Variants in MYO9A observed in about 807,000 individuals in gnomAD.
MYO9A encodes unconventional myosin-IXa.
Under a neutral mutation model 293.3 loss-of-function variants are expected in MYO9A, and 103 were observed. The observed-to-expected ratio is 0.35, with a 90% CI of 0.30 to 0.41. The LOEUF (loss-of-function observed/expected upper bound fraction) is 0.41, where lower values mean the gene tolerates loss of function less well. MYO9A is among the 10% of genes least tolerant of loss of function. The pLI is 1.00. For synonymous variants in MYO9A, 1,001 were observed against 1,035.7 expected, an observed-to-expected ratio of 0.97 and a Z score of 0.64; for missense variants, 2,685 against 3,033.0, an observed-to-expected ratio of 0.89 and a Z score of 2.69.
In MYO9A at chr15:72,072,105, A is replaced by G. The variant is rs142584631; in HGVS notation, c.-71-25471T>C. Among the ~76,000 whole-genome samples the G allele has an allele frequency of 8.2e-3, 1,233 of 150,314 alleles. 37 individuals carry two copies. Among genetic ancestry groups the G allele is most frequent in the East Asian group, 0.055 (281 of 5,106 alleles). On this transcript the variant is annotated intron_variant, in intron 1 of 41. Transcript: ENST00000356056. ...AAAAAAAAAAGTATATATAATATAC[A>G]TAAAAGAGAAAAAAGATACCTACAT... is the stretch of plus-strand genomic sequence containing the variant.
chr15:72,004,417 C>A (rs7177067), intron 8 of MYO9A, among the ~76,000 whole-genome samples: 2,471 of 152,124 alleles, frequency 0.016, 76 homozygotes, highest in African/African-American at 0.056. Context: ...ATTAGCCGGG[C>A]ATGGTGGCGC....
intron 33 of MYO9A, among the ~76,000 whole-genome samples, chr15:71,862,110 C>T (rs1364983982): frequency 2.0e-5 from 3 of 152,006 alleles, no homozygotes; most frequent in Non-Finnish European, 4.4e-5. Flanking sequence ...CCAGCCTGGG[C>T]GATGGAGCAA....
At position 71,945,516 on chromosome 15, in the gene MYO9A, A is replaced by G. The variant is rs369252730; in HGVS notation, c.2302+6261T>C. Among the ~76,000 whole-genome samples the G allele has an allele frequency of 2.0e-5, 3 of 152,304 alleles. No homozygotes were observed. In the East Asian group the frequency reaches 5.8e-4, roughly 29 times the overall value. ...TGACATCTAGGAGGCTGGCTGCCAT[A>G]GATGTACAGTACATGGAATTTGTAA... On this transcript the variant is annotated intron_variant, in intron 15 of 41. Transcript: ENST00000356056.
At chr15:71,956,465 C>T (rs937874102) in intron 14 of MYO9A, among the ~76,000 whole-genome samples, 28 of 146,480 alleles carry the variant, frequency 1.9e-4, no homozygotes, top group African/African-American at 6.3e-4. Flanking sequence ...ATAGTGAAAC[C>T]TCGCCTCTAC....
At chr15:71,841,365 T>C (rs529303966) in intron 39 of MYO9A, among the ~76,000 whole-genome samples, 83 of 152,302 alleles carry the variant, frequency 5.4e-4, no homozygotes, top group African/African-American at 1.9e-3. Context: ...GGTTCAGATA[T>C]ATTTTTTATC....
intron 6 of MYO9A, among the ~76,000 whole-genome samples, chr15:72,010,730 G>A (rs895488635): frequency 6.6e-6 from 1 of 152,162 alleles, no homozygotes; most frequent in Admixed American, 6.5e-5. Flanking sequence ...AGAGTTAGCT[G>A]TACTCAGTAA....
chr15:71,963,868 G>T (rs2075806521), intron 13 of MYO9A, among the ~76,000 whole-genome samples: 2 of 152,328 alleles, frequency 1.3e-5, no homozygotes, highest in South Asian at 4.1e-4. Context: ...AAGACCAGTA[G>T]TACATTTAAA....
In MYO9A at chr15:71,862,669, C is replaced by A. The variant is rs930267367; in HGVS notation, c.5980-58G>T. On this transcript the variant is annotated intron_variant, in intron 32 of 41. Coordinates refer to ENST00000356056, the MANE Select transcript of MYO9A (RefSeq NM_006901.4). ...GCCAACACAGTAAATGCTGCCCTAA[C>A]GTGGTGGGAAATCCTTCAATCTCTT... The A allele has an allele frequency of 3.5e-6, 4 of 1,141,046 alleles. No individual in the cohort carries two copies. In the Admixed American group the frequency reaches 5.6e-5, roughly 16 times the overall value. 70.7% of individuals were successfully genotyped at this position (1,141,046 alleles called of 1,614,324 possible).
At chr15:71,848,054 C>G (rs918213246) in intron 39 of MYO9A, among the ~76,000 whole-genome samples, 2 of 152,136 alleles carry the variant, frequency 1.3e-5, no homozygotes, top group East Asian at 3.9e-4. Context: ...ATCTGAAATG[C>G]GTGCTCATTG....
At chr15:72,079,420 CTT>C (rs1447331719) in intron 1 of MYO9A, among the ~76,000 whole-genome samples, 2 of 151,968 alleles carry the variant, frequency 1.3e-5, no homozygotes, top group Non-Finnish European at 2.9e-5. Flanking sequence ...TAAATTAAAA[CTT>C]AATTTTTTAA....
Position 72,020,953 on chromosome 15 carries a change from G to A in MYO9A, c.1063C>T (p.Leu355Phe). Residue 355 changes from leucine to phenylalanine, a missense_variant, in exon 5 of 42, where the codon CTT (leucine) becomes TTT (phenylalanine). This residue lies in a region of MYO9A where 289 missense variants were observed against 456.8 expected (regional missense o/e 0.63). Coordinates refer to ENST00000356056, the MANE Select transcript of MYO9A (RefSeq NM_006901.4). ...ASEDERSAFHLKQPEEYHYLN... is the reference protein window; with the variant it reads ...ASEDERSAFHFKQPEEYHYLN... ...TAATGATATTCCTCTGGTTGCTTAA[G>A]ATGGAATGCTGATCTCTCATCTTCA... 6.5e-7 allele frequency: 1 copy of A among 1,547,800 alleles called. No individual in the cohort carries two copies.
intron 6 of MYO9A, among the ~76,000 whole-genome samples, chr15:72,011,144 G>A (rs1252081451): frequency 6.6e-6 from 1 of 151,708 alleles, no homozygotes; most frequent in East Asian, 1.9e-4. Flanking sequence ...CAAGCAACTG[G>A]AACTACCCAG....
chr15:71,913,613 A>AT (rs1248638465), intron 19 of MYO9A, among the ~76,000 whole-genome samples: 1 of 151,496 alleles, frequency 6.6e-6, no homozygotes, highest in African/African-American at 2.4e-5. Flanking sequence ...GTTATGGGTT[A>AT]TTTTTTTCCT....
At chr15:72,061,463 C>G (rs988996132) in intron 1 of MYO9A, among the ~76,000 whole-genome samples, 1 of 151,496 alleles carries the variant, frequency 6.6e-6, no homozygotes, top group African/African-American at 2.4e-5. Context: ...ACCCATTGCT[C>G]TGAAGAGAGA....
intron 39 of MYO9A, among the ~76,000 whole-genome samples, chr15:71,834,177 A>G (rs912424808): frequency 6.6e-6 from 1 of 152,166 alleles, no homozygotes; most frequent in African/African-American, 2.4e-5. Context: ...AGACCCAAAG[A>G]GGATAAGAGA....
intron 19 of MYO9A, among the ~76,000 whole-genome samples, chr15:71,908,119 G>A (rs1567257948): frequency 6.6e-6 from 1 of 152,158 alleles, no homozygotes; most frequent in Non-Finnish European, 1.5e-5. Flanking sequence ...AATGATTTTT[G>A]TATAAGGTGT....
At chr15:71,931,244 GA>G (rs1164851378) in intron 18 of MYO9A, among the ~76,000 whole-genome samples, 2 of 152,164 alleles carry the variant, frequency 1.3e-5, no homozygotes, top group African/African-American at 4.8e-5. Flanking sequence ...GAACTCTCAA[GA>G]AAGAAGTTCA....
At chr15:72,062,688 C>T (rs2078910512) in intron 1 of MYO9A, among the ~76,000 whole-genome samples, 4 of 152,044 alleles carry the variant, frequency 2.6e-5, no homozygotes, top group African/African-American at 7.2e-5. Flanking sequence ...AAGAATAAAG[C>T]CTACAAGATC....
intron 2 of MYO9A, among the ~76,000 whole-genome samples, chr15:72,034,126 A>G (rs2077966291): frequency 6.6e-6 from 1 of 152,208 alleles, no homozygotes; most frequent in Admixed American, 6.5e-5. Context: ...CTACATCTGT[A>G]CTCAAGTAGT....
Sources: gnomAD v4.1 joint callset for allele counts (sites outside exome capture counted in the v4.1 genomes callset) on GRCh38, gnomAD v4.1.1 for gene constraint, gnomAD v4.1.1 regional missense constraint, MANE v1.5 for transcripts, NCBI Gene and HGNC (gene_info 2026-07-23, HGNC 2026-07-21) for gene names.